The following BDNF variants were observed in gnomAD, a reference collection of about 807,000 sequenced individuals.
The protein encoded by BDNF is neurotrophic factor BDNF precursor form.
A neutral mutation model predicts 19.5 loss-of-function variants in BDNF; 1 was observed. The ratio of observed to expected loss-of-function variants is 0.05; its 90% CI spans 0.02 to 0.24. BDNF has a LOEUF of 0.24. Among genes scored for constraint, BDNF ranks in the 10% least tolerant of loss-of-function variants. The probability of loss-of-function intolerance (pLI) is 1.00; values close to 1 mark genes in which losing one functional copy is unlikely to be tolerated. For missense variants in BDNF, 195 were observed against 317.6 expected, an observed-to-expected ratio of 0.61 and a Z score of 2.93; for synonymous variants, 100 against 121.6, an observed-to-expected ratio of 0.82 and a Z score of 1.17.
intron 1 of BDNF, among the ~76,000 whole-genome samples, chr11:27,686,902 G>C (rs1421474833): frequency 6.6e-6 from 1 of 152,072 alleles, no homozygotes; most frequent in Non-Finnish European, 1.5e-5. Flanking sequence ...CTCTTCTTGA[G>C]GGGTATCTTT....
upstream of BDNF, chr11:27,700,744 C>G (rs1859837617): frequency 9.3e-6 from 11 of 1,188,162 alleles, no homozygotes; most frequent in Non-Finnish European, 1.1e-5. Flanking sequence ...TTGGACAGGA[C>G]GCCCGCGGCT....
chr11:27,672,550 C>T (rs1048102436), intron 1 of BDNF, among the ~76,000 whole-genome samples: 9 of 152,098 alleles, frequency 5.9e-5, no homozygotes, highest in Non-Finnish European at 1.3e-4. Context: ...TCTCTCCTAC[C>T]AAATACCATG....
rs990473824 is a variant in BDNF, at chr11:27,658,114, C to T, written c.451G>A (p.Ala151Thr). 1.9e-6 allele frequency: 3 copies of T among 1,614,034 alleles called. No individual in the cohort carries two copies. Among genetic ancestry groups the T allele is most frequent in the Non-Finnish European group, 1.7e-6 (2 of 1,180,036 alleles). ...CDSISEWVTA[A>T]DKKTAVDMSG... ...ATGTCCACTGCAGTCTTTTTGTCTG[C>T]CGCCGTTACCCACTCACTAATACTG... The change falls in exon 2 of 2, where the codon GCA becomes ACA. Residue 151 changes from alanine (A) to threonine (T), a missense_variant. Ala to Thr is a moderately conservative substitution (Grantham distance 58). Transcript: ENST00000356660. The surrounding 1 kb of genome is among the most constrained non-coding windows in gnomAD (Gnocchi z 5.7).
intron 1 of BDNF, among the ~76,000 whole-genome samples, chr11:27,714,267 A>G (rs1441464492): frequency 6.6e-6 from 1 of 152,080 alleles, no homozygotes; most frequent in Non-Finnish European, 1.5e-5. Context: ...ATGCCCACAC[A>G]CCTTCTGCAA....
At position 27,657,569 on chromosome 11, in the gene BDNF, A is replaced by G; in HGVS notation, c.*252T>C. The G allele has an allele frequency of 8.0e-7, 1 of 1,257,500 alleles. No individual in the cohort carries two copies. Among genetic ancestry groups the G allele is most frequent in the Non-Finnish European group, 1.0e-6 (1 of 1,000,210 alleles). 77.9% of individuals were successfully genotyped at this position (1,257,500 alleles called of 1,614,324 possible). A position where few individuals can be genotyped will look rare whatever the true frequency, so the allele number is the denominator to read the frequency against. ...CTTTTTATGTTTTCAGTTCTTGGCA[A>G]CGGCAACAAACCACAACATTATCAA... On this transcript the variant is annotated 3_prime_UTR_variant, in exon 2 of 2. Transcript: ENST00000356660. This position sits in a 1 kb window ranked among gnomAD's most constrained non-coding sequence, Gnocchi z 5.0.
chr11:27,719,074 C>T (rs1308414364), intron 1 of BDNF, among the ~76,000 whole-genome samples: 2 of 152,220 alleles, frequency 1.3e-5, no homozygotes, highest in African/African-American at 2.4e-5. Flanking sequence ...TCCCTGAGCT[C>T]CCTGAAGAGT....
At position 27,656,431 on chromosome 11, in the gene BDNF, A is replaced by G; in HGVS notation, c.*1390T>C. 1.6e-6 allele frequency: 1 copy of G among 643,128 alleles called. No individual in the cohort carries two copies. The highest frequency in any genetic ancestry group is 6.9e-5 in the South Asian group (1 of 14,486). 39.8% of individuals were successfully genotyped at this position (643,128 alleles called of 1,614,324 possible). On this transcript the variant is annotated 3_prime_UTR_variant, in exon 2 of 2. Coordinates refer to ENST00000356660, the MANE Select transcript of BDNF (RefSeq NM_001709.5). ...GTAGGCACTTAAAGCACGAGGTCCA[A>G]GCAGCTTGACACATGTCATTCCAGA... is the stretch of plus-strand genomic sequence containing the variant.
intron 1 of BDNF, among the ~76,000 whole-genome samples, chr11:27,685,019 C>T (rs1012821461): frequency 6.6e-6 from 1 of 152,106 alleles, no homozygotes; most frequent in African/African-American, 2.4e-5. Flanking sequence ...GCTGTGAATC[C>T]GTCTGGTCCT....
intron 1 of BDNF, among the ~76,000 whole-genome samples, chr11:27,671,972 C>T (rs1304487736): frequency 6.6e-6 from 1 of 152,166 alleles, no homozygotes; most frequent in African/African-American, 2.4e-5. Context: ...TATTATGATA[C>T]TTTCTTAGCG....
chr11:27,665,512 C>G (rs1442205106), intron 1 of BDNF: 2 of 152,334 alleles, frequency 1.3e-5, no homozygotes, highest in Non-Finnish European at 2.9e-5. Flanking sequence ...AATTCCCTTT[C>G]CTAGCCAAGG....
chr11:27,658,608 A>G lies in BDNF; in HGVS notation c.-21-23T>C, dbSNP rs771302662. 23 of 1,614,082 alleles carry G rather than the reference A, an allele frequency of 1.4e-5. No individual in the cohort carries two copies. Among genetic ancestry groups the G allele is most frequent in the Non-Finnish European group, 1.9e-5 (22 of 1,180,034 alleles). ...GAACTGTAGGGAGAAAGCAGAAACA[A>G]GACAGAAAACTGGTTAGGGCTTTCT... On this transcript the variant is annotated intron_variant, in intron 1 of 1. Transcript: ENST00000356660. The surrounding 1 kb of genome is among the most constrained non-coding windows in gnomAD (Gnocchi z 5.7).
intron 1 of BDNF, chr11:27,659,510 T>G (rs527669869): frequency 6.3e-5 from 63 of 1,000,360 alleles, no homozygotes; most frequent in African/African-American, 5.1e-4. Flanking sequence ...GCCTCCCATA[T>G]GCAGACTCCA....
At chr11:27,665,622 C>T (rs970634813) in intron 1 of BDNF, among the ~76,000 whole-genome samples, 1 of 152,196 alleles carries the variant, frequency 6.6e-6, no homozygotes, top group Non-Finnish European at 1.5e-5. Context: ...GAGATTATGT[C>T]CCAGGCCTGG....
In BDNF at chr11:27,711,963, G is replaced by A. The variant is rs532404018; in HGVS notation, c.3+9449C>T. Among the ~76,000 whole-genome samples, 37 of 152,244 alleles carry A rather than the reference G, an allele frequency of 2.4e-4. No individual in the cohort carries two copies. The South Asian group carries it at 4.8e-3, about 20-fold the overall frequency. ...GAGTGATGGATTGCTAGGGTAATGG[G>A]GTTGTGCTGGTGATGCTAAAGATAA... On this transcript the variant is annotated intron_variant, in intron 1 of 1. Coordinates refer to the BDNF transcript ENST00000314915.
intron 1 of BDNF, among the ~76,000 whole-genome samples, chr11:27,684,842 A>C (rs1247212260): frequency 6.6e-6 from 1 of 152,086 alleles, no homozygotes; most frequent in African/African-American, 2.4e-5. Context: ...TTCATCAGGG[A>C]TATTGGCCTA....
chr11:27,697,901 A>G (rs934125855), intron 1 of BDNF: 2 of 152,160 alleles, frequency 1.3e-5, no homozygotes, highest in African/African-American at 4.8e-5. Context: ...ATGCTTCAAA[A>G]CATGTACGTA....
chr11:27,697,097 T>C (rs1312964422), intron 1 of BDNF, among the ~76,000 whole-genome samples: 1 of 143,536 alleles, frequency 7.0e-6, no homozygotes, highest in East Asian at 2.1e-4. Context: ...CAGTTCACAG[T>C]TCTCTCTCTC....
intron 1 of BDNF, chr11:27,677,753 T>C (rs1037297294): frequency 2.0e-5 from 3 of 152,230 alleles, no homozygotes; most frequent in African/African-American, 7.2e-5. Context: ...TTTTGAATAA[T>C]GTAAATTAAC....
chr11:27,678,891 C>A (rs1223422606), intron 1 of BDNF, among the ~76,000 whole-genome samples: 3 of 152,144 alleles, frequency 2.0e-5, no homozygotes, highest in Non-Finnish European at 4.4e-5. Context: ...AAAGCTGTAT[C>A]ACAACATTAA....
Sources: allele counts gnomAD v4.1 joint callset (sites outside exome capture counted in the v4.1 genomes callset), GRCh38; gene constraint gnomAD v4.1.1; non-coding constraint Gnocchi (gnomAD v3.1); transcripts MANE v1.5; gene names NCBI Gene and HGNC (gene_info 2026-07-23, HGNC 2026-07-21).